Variants in CSPP1 observed in about 807,000 individuals in gnomAD.
The protein encoded by CSPP1 is centrosome and spindle pole associated protein 1.
In CSPP1, 126 loss-of-function variants were observed where a neutral mutation model predicts 164.4. The observed-to-expected ratio is 0.77, with a 90% CI of 0.66 to 0.89. The LOEUF (loss-of-function observed/expected upper bound fraction) is 0.89, where lower values mean the gene tolerates loss of function less well. CSPP1 is among the 40% of genes least tolerant of loss of function. The pLI is 0.00. For missense variants in CSPP1, 1,395 were observed against 1,449.8 expected, an observed-to-expected ratio of 0.96 and a Z score of 0.61; for synonymous variants, 472 against 476.7, an observed-to-expected ratio of 0.99 and a Z score of 0.13.
At chr8:67,157,383 C>T (rs892914149) in intron 19 of CSPP1, among the ~76,000 whole-genome samples, 5 of 151,882 alleles carry the variant, frequency 3.3e-5, no homozygotes, top group African/African-American at 1.2e-4. Flanking sequence ...GCAACCTCTG[C>T]CTCCTGGGTT....
At chr8:67,075,676 GC>G (rs1166114673) in intron 2 of CSPP1, among the ~76,000 whole-genome samples, 2 of 152,198 alleles carry the variant, frequency 1.3e-5, no homozygotes, top group African/African-American at 4.8e-5. Context: ...ATAATAGGTT[GC>G]CTTTCTTCCA....
intron 21 of CSPP1, 85 bp downstream of exon 21, chr8:67,159,222 G>A: frequency 7.9e-7 from 1 of 1,265,546 alleles, no homozygotes; most frequent in Non-Finnish European, 1.1e-6. Flanking sequence ...GAAAAGGGGA[G>A]AAAGAGGAGG....
chr8:67,113,657 T>C (rs1372447977), intron 10 of CSPP1, 148 bp from the exon 11 acceptor site: 1 of 461,678 alleles, frequency 2.2e-6, no homozygotes, highest in East Asian at 3.5e-5. Flanking sequence ...CTTTCAGTAT[T>C]ATTTAAGGCT....
At chr8:67,171,377 G>GC (rs1830434423) in intron 24 of CSPP1, among the ~76,000 whole-genome samples, 2 of 151,506 alleles carry the variant, frequency 1.3e-5, no homozygotes, top group East Asian at 2.0e-4. Flanking sequence ...CTCCAGCCTG[G>GC]CAAGAGAGCG....
chr8:67,076,665 A>G (rs1807985888), intron 3 of CSPP1, 84 bp downstream of exon 3: 3 of 713,606 alleles, frequency 4.2e-6, no homozygotes, highest in East Asian at 3.0e-5. Context: ...AGAAAAAAAG[A>G]TTTATTTGGA....
intron 1 of CSPP1, among the ~76,000 whole-genome samples, chr8:67,066,933 C>G (rs373002539): frequency 1.3e-5 from 2 of 151,968 alleles, no homozygotes; most frequent in South Asian, 2.1e-4. Flanking sequence ...TTTTTTTATT[C>G]GTAGTAAAGA....
At chr8:67,099,417 T>G (rs958335606) in intron 7 of CSPP1, 1 of 152,072 alleles carries the variant, frequency 6.6e-6, no homozygotes, top group Admixed American at 6.5e-5. Context: ...TACTTTTGGG[T>G]CACAAGGATA....
chr8:67,079,606 A>C (rs113313729), intron 3 of CSPP1, among the ~76,000 whole-genome samples: 5,435 of 152,208 alleles, frequency 0.036, 200 homozygotes, highest in African/African-American at 0.082. Context: ...TATGTTTTCT[A>C]TATATTTGCA....
chr8:67,088,462 G>C (rs1318477063), intron 4 of CSPP1, among the ~76,000 whole-genome samples: 30 of 150,820 alleles, frequency 2.0e-4, no homozygotes, highest in Non-Finnish European at 8.9e-5. Context: ...TAATTTTTTT[G>C]TACTTTTAGT....
chr8:67,110,628 A>G (rs1194708001), intron 9 of CSPP1, among the ~76,000 whole-genome samples: 1 of 152,126 alleles, frequency 6.6e-6, no homozygotes, highest in Non-Finnish European at 1.5e-5. Context: ...ACTTCTAGCC[A>G]TTTTAGCCTT....
chr8:67,138,758 G>A (rs1195304454), intron 17 of CSPP1, among the ~76,000 whole-genome samples: 2 of 152,130 alleles, frequency 1.3e-5, no homozygotes, highest in African/African-American at 2.4e-5. Flanking sequence ...CACTCTGATG[G>A]TAGTTTCTTT....
At chr8:67,189,828 A>C (rs753890838) in intron 28 of CSPP1, among the ~76,000 whole-genome samples, 1 of 152,168 alleles carries the variant, frequency 6.6e-6, no homozygotes, top group Non-Finnish European at 1.5e-5. Flanking sequence ...TATTATTCTA[A>C]CTTTTCTTTA....
At chr8:67,110,185 A>G (rs1376422403) in intron 9 of CSPP1, among the ~76,000 whole-genome samples, 2 of 146,580 alleles carry the variant, frequency 1.4e-5, no homozygotes, top group Non-Finnish European at 3.0e-5. Flanking sequence ...TTTTTTCCCC[A>G]GGTTGTTTTA....
rs961775913 is a variant in CSPP1 at position 67,075,460 on chromosome 8, C to G, written c.100-1022C>G. 5.3e-5 allele frequency among the ~76,000 whole-genome samples: 8 copies of G among 152,138 alleles called. 1 individual carries two copies. The highest frequency in any genetic ancestry group is 1.2e-4 in the Non-Finnish European group (8 of 68,032). ...CCTGATTACAATTTTACTCACATGG[C>G]TAACATTTATTGAGTACTAGCTATG... On this transcript the variant is annotated intron_variant, in intron 2 of 30. Coordinates refer to ENST00000678616, the MANE Select transcript of CSPP1 (RefSeq NM_001382391.1).
chr8:67,144,740 C>T (rs1396635542), intron 17 of CSPP1, among the ~76,000 whole-genome samples: 1 of 152,080 alleles, frequency 6.6e-6, no homozygotes, highest in African/African-American at 2.4e-5. Flanking sequence ...TGAGCCACAT[C>T]GCCTAGCTGG....
intron 4 of CSPP1, chr8:67,086,940 A>T: frequency 3.5e-6 from 2 of 579,690 alleles, no homozygotes. Flanking sequence ...CATTTATGAG[A>T]TTCAAACCAA....
intron 4 of CSPP1, among the ~76,000 whole-genome samples, chr8:67,090,068 C>T (rs979732471): frequency 1.3e-5 from 2 of 152,098 alleles, no homozygotes; most frequent in Non-Finnish European, 2.9e-5. Context: ...TTAAATCTAT[C>T]TTCCTGGTTG....
At chr8:67,088,378 C>T (rs978007771) in intron 4 of CSPP1, among the ~76,000 whole-genome samples, 10 of 151,704 alleles carry the variant, frequency 6.6e-5, no homozygotes, top group African/African-American at 2.4e-4. Context: ...ATCTCAGCCT[C>T]CTGGGTTCAA....
At position 67,179,889 on chromosome 8, in the gene CSPP1, GA is replaced by G; in HGVS notation, c.3188del (p.Asn1063ThrfsTer46). On this transcript the variant is annotated frameshift_variant, in exon 28 of 31. Transcript: ENST00000678616. LOFTEE classifies it high-confidence loss of function. ...MPRDDTSDFLKNSLLESDSAF... is the reference protein window; with the variant it reads ...MPRDDTSDFLXNSLLESDSAF... ...CCAGAGATGACACTAGTGATTTCTT[GA>G]AAAACTCATTATTGGAATCTGATAG... is the stretch of plus-strand genomic sequence containing the variant. 6.3e-7 allele frequency: 1 copy of G among 1,591,580 alleles called. No homozygotes were observed. Among genetic ancestry groups the G allele is most frequent in the Non-Finnish European group, 8.6e-7 (1 of 1,160,278 alleles).
Sources: allele counts gnomAD v4.1 joint callset (sites outside exome capture counted in the v4.1 genomes callset), GRCh38; gene constraint gnomAD v4.1.1; transcripts MANE v1.5; gene names NCBI Gene and HGNC (gene_info 2026-07-23, HGNC 2026-07-21).